HECA: variants seen among roughly 807,000 people sequenced by gnomAD.
The protein encoded by HECA is headcase protein homolog.
HECA carries 13 observed loss-of-function variants against 37.6 expected under a neutral mutation model. The ratio of observed to expected loss-of-function variants is 0.35; its 90% confidence interval spans 0.23 to 0.55. The LOEUF (loss-of-function observed/expected upper bound fraction) is 0.55, where lower values mean the gene tolerates loss of function less well. Ranked by LOEUF, HECA falls within the 20% of genes least tolerant of loss-of-function variation. HECA has a pLI of 0.90. For synonymous variants in HECA, 307 were observed against 291.5 expected (o/e 1.05, Z -0.54); for missense variants, 527 against 701.9 (o/e 0.75, Z 2.82).
At chr6:139,154,383 C>CA (rs145683037) in intron 1 of HECA, among the ~76,000 whole-genome samples, 23 of 151,190 alleles carry the variant, frequency 1.5e-4, no homozygotes, top group Admixed American at 3.9e-4. Flanking sequence ...ATTCACATTC[C>CA]AAAAAAAAAC....
chr6:139,155,498 T>C (rs1774700422), intron 1 of HECA: 1 of 152,220 alleles, frequency 6.6e-6, no homozygotes, highest in Admixed American at 6.5e-5. Context: ...GTTATAATCT[T>C]ATGGGACCAC....
chr6:139,146,919 A>T (rs3777681), intron 1 of HECA, among the ~76,000 whole-genome samples: 8 of 152,302 alleles, frequency 5.3e-5, no homozygotes, highest in East Asian at 3.9e-4. Flanking sequence ...TGCAGAAGCA[A>T]ATTAGGCAAG....
chr6:139,166,038 C>T (rs1774879032), intron 1 of HECA: 2 of 397,556 alleles, frequency 5.0e-6, no homozygotes, highest in African/African-American at 2.1e-5. Flanking sequence ...GTATTCAGGA[C>T]AACCTAAAGC....
At chr6:139,158,603 T>A in intron 1 of HECA, among the ~76,000 whole-genome samples, 1 of 145,736 alleles carries the variant, frequency 6.9e-6, no homozygotes. Flanking sequence ...CCTGGCAGGT[T>A]GAAGCTGCAG....
chr6:139,157,502 A>C (rs1479794876), intron 1 of HECA, among the ~76,000 whole-genome samples: 1 of 152,226 alleles, frequency 6.6e-6, no homozygotes, highest in Non-Finnish European at 1.5e-5. Flanking sequence ...AGAAGAAGAT[A>C]ATTTTGAAGG....
intron 1 of HECA, among the ~76,000 whole-genome samples, chr6:139,137,836 G>A (rs113397082): frequency 4.5e-4 from 69 of 152,158 alleles, no homozygotes; most frequent in African/African-American, 1.6e-3. Flanking sequence ...ATATTTAGCA[G>A]CACAGTGTAT....
At position 139,164,397 on chromosome 6, in the gene HECA, T is replaced by TG. The variant is rs1774852668; in HGVS notation, c.272-1884dup. ...GGGTATCATGATGGGGAAGGTGGGG[T>TG]GGGTGGGCTACAGATACTGAGTGCT... On this transcript the variant is annotated intron_variant, in intron 1 of 3. Transcript: ENST00000367658. Among the ~76,000 whole-genome samples the TG allele has an allele frequency of 3.3e-5, 5 of 149,808 alleles. 1 individual carries two copies.
At chr6:139,152,282 A>C (rs994136929) in intron 1 of HECA, among the ~76,000 whole-genome samples, 1 of 152,166 alleles carries the variant, frequency 6.6e-6, no homozygotes, top group Admixed American at 6.5e-5. Flanking sequence ...AGAGTTTTTT[A>C]TTTAGTTTGA....
intron 1 of HECA, among the ~76,000 whole-genome samples, chr6:139,140,067 G>C (rs1316707079): frequency 2.0e-5 from 3 of 152,152 alleles, no homozygotes; most frequent in South Asian, 2.1e-4. Context: ...AGTACCACCT[G>C]TTCCCTATGC....
At chr6:139,146,582 G>T (rs892725621) in intron 1 of HECA, among the ~76,000 whole-genome samples, 23 of 152,302 alleles carry the variant, frequency 1.5e-4, no homozygotes, top group Admixed American at 5.9e-4. Context: ...GATTGGCAGC[G>T]GGTACAATCT....
At chr6:139,154,985 T>C (rs1272838936) in intron 1 of HECA, among the ~76,000 whole-genome samples, 1 of 152,208 alleles carries the variant, frequency 6.6e-6, no homozygotes, top group Non-Finnish European at 1.5e-5. Context: ...GGTTGGACAG[T>C]TTCTCCGCAG....
intron 1 of HECA, 73 bp downstream of exon 1, chr6:139,135,740 G>T: frequency 1.5e-6 from 1 of 647,136 alleles, no homozygotes; most frequent in Non-Finnish European, 1.9e-6. Context: ...GGCCCTGGGT[G>T]GCGCGGGCGG....
chr6:139,151,382 G>T (rs552340653), intron 1 of HECA: 1 of 152,324 alleles, frequency 6.6e-6, no homozygotes, highest in Admixed American at 6.5e-5. Context: ...TTTAAATACA[G>T]TAGTCTTAAA....
Position 139,179,691 on chromosome 6 carries a change from T to C in HECA, c.*2586T>C, listed in dbSNP as rs1284265814. On this transcript the variant is annotated 3_prime_UTR_variant, in exon 4 of 4. Transcript: ENST00000367658. ...CAACACCATGAAGATAAATCTTATT[T>C]TGGAAATCTACTGACCTTAATACCC... 6.6e-6 allele frequency: 1 copy of C among 152,204 alleles called. No homozygotes were observed. The highest frequency in any genetic ancestry group is 6.5e-5 in the Admixed American group (1 of 15,282). The allele number at this position is 152,204 out of a possible 1,614,324, so 9.4% of individuals were successfully genotyped here.
At chr6:139,149,738 T>G (rs1279984979) in intron 1 of HECA, among the ~76,000 whole-genome samples, 1 of 152,214 alleles carries the variant, frequency 6.6e-6, no homozygotes, top group Non-Finnish European at 1.5e-5. Flanking sequence ...GCAAGCCCAG[T>G]TTTTTGAATG....
At position 139,137,413 on chromosome 6, in the gene HECA, A is replaced by G. The variant is rs73774983; in HGVS notation, c.271+1746A>G. ...CAGTTCTTGTTATTTTAAAGGTTAC[A>G]TATATAATGAGCTTAAAGTTTCTCA... On this transcript the variant is annotated intron_variant, in intron 1 of 3. Transcript: ENST00000367658. 2.1e-3 allele frequency among the ~76,000 whole-genome samples: 322 copies of G among 152,300 alleles called. 1 individual carries two copies. Among genetic ancestry groups the G allele is most frequent in the African/African-American group, 7.5e-3 (310 of 41,550 alleles).
chr6:139,179,657 T>C lies in HECA; in HGVS notation c.*2552T>C, dbSNP rs990217523. The C allele has an allele frequency of 6.6e-6, 1 of 152,182 alleles. No individual in the cohort carries two copies. Among genetic ancestry groups the C allele is most frequent in the Admixed American group, 6.5e-5 (1 of 15,278 alleles). The allele number at this position is 152,182 out of a possible 1,614,324, so 9.4% of individuals were successfully genotyped here. A position where few individuals can be genotyped will look rare whatever the true frequency, so the allele number is the denominator to read the frequency against. ...TGGCTGATTTGGGAATAAAATATAA[T>C]CGAATATTCAACACCATGAAGATAA... On this transcript the variant is annotated 3_prime_UTR_variant, in exon 4 of 4. Transcript: ENST00000367658.
rs56410451 is a variant in HECA at position 139,152,418 on chromosome 6, A to ATG, written c.272-13840_272-13839dup. ...GTTGTAAACTGTATTGAAGCATTGG[A>ATG]TGTGTGTGTGTGTGTGTGTGTGTGT... On this transcript the variant is annotated intron_variant, in intron 1 of 3. Coordinates refer to ENST00000367658, the MANE Select transcript of HECA (RefSeq NM_016217.3). 3.9e-3 allele frequency among the ~76,000 whole-genome samples: 579 copies of ATG among 147,528 alleles called. 5 individuals are homozygous for ATG. In the East Asian group the frequency reaches 0.048, roughly 12 times the overall value.
At chr6:139,148,009 A>G (rs1364789295) in intron 1 of HECA, among the ~76,000 whole-genome samples, 2 of 152,204 alleles carry the variant, frequency 1.3e-5, no homozygotes, top group African/African-American at 4.8e-5. Context: ...TAGATGAAAA[A>G]TCACATCTCA....
Sources: gnomAD v4.1 joint callset for allele counts (sites outside exome capture counted in the v4.1 genomes callset) on GRCh38, gnomAD v4.1.1 for gene constraint, MANE v1.5 for transcripts, NCBI Gene and HGNC (gene_info 2026-07-23, HGNC 2026-07-21) for gene names.